MGMT: variants seen among roughly 807,000 people sequenced by gnomAD.
The protein encoded by MGMT is O-6-methylguanine-DNA methyltransferase.
A neutral mutation model predicts 15.9 loss-of-function variants in MGMT; 14 were observed. The ratio of observed to expected loss-of-function variants is 0.88; its 90% confidence interval spans 0.58 to 1.37. MGMT has a LOEUF of 1.37. Among genes scored for constraint, MGMT ranks in the 40% most tolerant of loss-of-function variants. The pLI is 0.00. For missense variants in MGMT, 282 were observed against 268.1 expected (o/e 1.05, Z -0.36); for synonymous variants, 130 against 118.2 (o/e 1.10, Z -0.65).
intron 1 of MGMT, among the ~76,000 whole-genome samples, chr10:129,473,127 A>G (rs1421271653): frequency 2.0e-5 from 3 of 152,212 alleles, no homozygotes; most frequent in Non-Finnish European, 4.4e-5. Context: ...AAGGACGGAC[A>G]CAGGATCTGA....
At chr10:129,539,095 T>C (rs12773727) in intron 2 of MGMT, among the ~76,000 whole-genome samples, 1 of 152,226 alleles carries the variant, frequency 6.6e-6, no homozygotes, top group Admixed American at 6.5e-5. Context: ...TGTCTTTTGA[T>C]GAGTAGAGGT....
rs377378865 is a variant in MGMT, at chr10:129,601,550, C to T, written c.125+65173C>T. Among the ~76,000 whole-genome samples the T allele has an allele frequency of 5.3e-5, 8 of 152,166 alleles. No homozygotes were observed. The East Asian group carries it at 1.2e-3, about 22-fold the overall frequency. ...GGGCTTCTGGCTTCCTGGATCCTGC[C>T]CCTCACCTGGGGACTTTGTCTAAGT... On this transcript the variant is annotated intron_variant, in intron 2 of 4. Transcript: ENST00000651593.
intron 3 of MGMT, among the ~76,000 whole-genome samples, chr10:129,731,191 C>G (rs189317040): frequency 6.8e-6 from 1 of 147,122 alleles, no homozygotes; most frequent in Admixed American, 6.9e-5. Context: ...CTATGTGTGA[C>G]ACAGAGCCCT....
At position 129,512,825 on chromosome 10, in the gene MGMT, T is replaced by C. The variant is rs756705886; in HGVS notation, c.-12-23416T>C. 2.0e-5 allele frequency among the ~76,000 whole-genome samples: 3 copies of C among 152,318 alleles called. No homozygotes were observed. In the South Asian group the frequency reaches 6.2e-4, roughly 32 times the overall value. On this transcript the variant is annotated intron_variant, in intron 1 of 4. Coordinates refer to ENST00000651593, the MANE Select transcript of MGMT (RefSeq NM_002412.5). The stretch of plus-strand genomic sequence containing the variant: ...TGGGAATGTGAAATGGAGCAGCTGC[T>C]GTGGGACACTTCTGGAGGTTCCTGA...
At chr10:129,570,570 C>T (rs1012800424) in intron 2 of MGMT, among the ~76,000 whole-genome samples, 5 of 152,380 alleles carry the variant, frequency 3.3e-5, no homozygotes, top group South Asian at 2.1e-4. Context: ...AATGAAAATA[C>T]TGCCATGAAA....
chr10:129,739,446 A>T (rs377313700), intron 3 of MGMT, among the ~76,000 whole-genome samples: 4 of 152,196 alleles, frequency 2.6e-5, no homozygotes, highest in African/African-American at 9.7e-5. Context: ...TTTTCGAAAA[A>T]ATTACAGCAG....
intron 2 of MGMT, among the ~76,000 whole-genome samples, chr10:129,612,527 TG>T (rs1308122464): frequency 1.3e-5 from 2 of 152,226 alleles, no homozygotes; most frequent in African/African-American, 4.8e-5. Flanking sequence ...GAATGTTAGT[TG>T]TTGCACGTGA....
intron 4 of MGMT, among the ~76,000 whole-genome samples, chr10:129,760,889 C>T (rs978620040): frequency 6.6e-6 from 1 of 152,190 alleles, no homozygotes; most frequent in Non-Finnish European, 1.5e-5. Flanking sequence ...CTTCCTTTTG[C>T]ACCTGTTGCA....
At chr10:129,538,189 G>A (rs1219362370) in intron 2 of MGMT, among the ~76,000 whole-genome samples, 1 of 152,172 alleles carries the variant, frequency 6.6e-6, no homozygotes, top group Non-Finnish European at 1.5e-5. Context: ...CAGATTTCAA[G>A]TGTACAATTC....
intron 2 of MGMT, among the ~76,000 whole-genome samples, chr10:129,686,556 G>T (rs1469586228): frequency 1.4e-5 from 1 of 73,184 alleles, no homozygotes; most frequent in African/African-American, 7.8e-5. Context: ...TGTATTTTTG[G>T]TAGAAATGGG....
At chr10:129,657,173 C>A (rs1055014417) in intron 2 of MGMT, among the ~76,000 whole-genome samples, 8 of 152,024 alleles carry the variant, frequency 5.3e-5, no homozygotes, top group Admixed American at 3.3e-4. Flanking sequence ...GTTTACCTGC[C>A]CAGAGTTGAC....
chr10:129,522,845 C>T (rs7097622), intron 1 of MGMT, among the ~76,000 whole-genome samples: 38,795 of 152,098 alleles, frequency 0.26, 6,063 homozygotes, highest in African/African-American at 0.45. Flanking sequence ...GGCACCTGCT[C>T]GGGGCAGGAA....
chr10:129,625,465 T>C (rs1334831321), intron 2 of MGMT, among the ~76,000 whole-genome samples: 3 of 152,166 alleles, frequency 2.0e-5, no homozygotes, highest in East Asian at 1.9e-4. Flanking sequence ...AATTTTAAAA[T>C]CCTAATAAAA....
intron 2 of MGMT, among the ~76,000 whole-genome samples, chr10:129,595,821 G>A (rs1846744881): frequency 6.6e-6 from 1 of 152,086 alleles, no homozygotes; most frequent in African/African-American, 2.4e-5. Context: ...GAGCCGTCGG[G>A]GAGTTCCTCC....
chr10:129,730,379 C>A (rs1442512389), intron 3 of MGMT, among the ~76,000 whole-genome samples: 1 of 152,152 alleles, frequency 6.6e-6, no homozygotes, highest in Non-Finnish European at 1.5e-5. Flanking sequence ...TTTCTACTTT[C>A]ATGTTGTTCG....
chr10:129,698,777 G>A (rs761813605), intron 2 of MGMT, among the ~76,000 whole-genome samples: 8 of 152,202 alleles, frequency 5.3e-5, no homozygotes, highest in Non-Finnish European at 8.8e-5. Context: ...ATAAATTGTA[G>A]TCTCACGTAG....
At chr10:129,715,663 C>G (rs1397353693) in intron 3 of MGMT, 1 of 152,122 alleles carries the variant, frequency 6.6e-6, no homozygotes, top group Non-Finnish European at 1.5e-5. Flanking sequence ...TCTCCACTAC[C>G]TGTGTTTATA....
intron 3 of MGMT, among the ~76,000 whole-genome samples, chr10:129,758,536 ACCT>A (rs1848833309): frequency 1.3e-5 from 2 of 151,842 alleles, no homozygotes; most frequent in South Asian, 4.2e-4. Flanking sequence ...TCCTGCAGTC[ACCT>A]CCTCATTCCT....
At chr10:129,560,360 A>G (rs1299233767) in intron 2 of MGMT, among the ~76,000 whole-genome samples, 1 of 152,252 alleles carries the variant, frequency 6.6e-6, no homozygotes, top group Non-Finnish European at 1.5e-5. Flanking sequence ...TTAATTTTAT[A>G]GATAAATTAT....
Sources: gnomAD v4.1 joint callset for allele counts (sites outside exome capture counted in the v4.1 genomes callset) on GRCh38, gnomAD v4.1.1 for gene constraint, MANE v1.5 for transcripts, NCBI Gene and HGNC (gene_info 2026-07-23, HGNC 2026-07-21) for gene names.